The following SPATA17 variants were observed in gnomAD, a reference collection of about 807,000 sequenced individuals.
The protein encoded by SPATA17 is spermatogenesis-associated protein 17.
Under a neutral mutation model 62.2 loss-of-function variants are expected in SPATA17, and 53 were observed. That is an observed-to-expected ratio of 0.85 (90% confidence interval 0.68 to 1.07). The LOEUF (loss-of-function observed/expected upper bound fraction) is 1.07. Among genes scored for constraint, SPATA17 ranks in the 50% least tolerant of loss-of-function variants. The probability of loss-of-function intolerance (pLI) is 0.00; values close to 1 mark genes in which losing one functional copy is unlikely to be tolerated. For missense variants in SPATA17, 466 were observed against 425.5 expected, an observed-to-expected ratio of 1.10 and a Z score of -0.84; for synonymous variants, 146 against 146.8, an observed-to-expected ratio of 0.99 and a Z score of 0.04.
intron 3 of SPATA17, among the ~76,000 whole-genome samples, chr1:217,668,237 T>C (rs747567963): frequency 3.9e-5 from 6 of 152,198 alleles, no homozygotes; most frequent in Non-Finnish European, 8.8e-5. Flanking sequence ...ATGAATTATA[T>C]TAATTTTATA....
In SPATA17 at chr1:217,868,410, G is replaced by C. The variant is rs1676061701; in HGVS notation, c.*1391G>C. The stretch of plus-strand genomic sequence containing the variant: ...ATATCCTAAGTTGAAAATATTGTAA[G>C]TTAAAAATGCATTTAATACAGCTAA... On this transcript the variant is annotated 3_prime_UTR_variant, in exon 11 of 11. Coordinates refer to ENST00000366933, the MANE Select transcript of SPATA17 (RefSeq NM_138796.4). 6.6e-6 allele frequency: 1 copy of C among 152,094 alleles called. No individual in the cohort carries two copies. Among genetic ancestry groups the C allele is most frequent in the Non-Finnish European group, 1.5e-5 (1 of 68,012 alleles). 9.4% of individuals were successfully genotyped at this position (152,094 alleles called of 1,614,324 possible).
In SPATA17 at chr1:217,761,914, G is replaced by T. The variant is rs184757225; in HGVS notation, c.520-12420G>T. On this transcript the variant is annotated intron_variant, in intron 6 of 10. Transcript: ENST00000366933. ...AATTACAGTATAATATCAGCCACAAGAACACAATCTGCTGCTGCAGAGGTC... is the reference window on the plus strand; with the variant it reads ...AATTACAGTATAATATCAGCCACAATAACACAATCTGCTGCTGCAGAGGTC... Among the ~76,000 whole-genome samples, 280 of 152,212 alleles carry T rather than the reference G, an allele frequency of 1.8e-3. 1 individual carries two copies. Among genetic ancestry groups the T allele is most frequent in the African/African-American group, 6.3e-3 (262 of 41,556 alleles).
chr1:217,747,395 T>A (rs924383378), intron 6 of SPATA17, among the ~76,000 whole-genome samples: 1 of 152,150 alleles, frequency 6.6e-6, no homozygotes, highest in East Asian at 1.9e-4. Flanking sequence ...AAAGGCCTAT[T>A]GTTGGATTTA....
chr1:217,633,949 T>C (rs1189908532), intron 1 of SPATA17, among the ~76,000 whole-genome samples: 1 of 152,184 alleles, frequency 6.6e-6, no homozygotes, highest in African/African-American at 2.4e-5. Flanking sequence ...AGGAAGGATC[T>C]GGAACTCCAA....
chr1:217,765,394 G>T (rs1031767684), intron 6 of SPATA17, among the ~76,000 whole-genome samples: 2 of 151,312 alleles, frequency 1.3e-5, no homozygotes, highest in Non-Finnish European at 3.0e-5. Context: ...TCTAATATAT[G>T]CATTCAATGC....
chr1:217,650,568 C>T (rs1007950394), intron 2 of SPATA17, among the ~76,000 whole-genome samples: 4 of 152,086 alleles, frequency 2.6e-5, no homozygotes, highest in South Asian at 2.1e-4. Context: ...AGGCGCGCAC[C>T]GCCACCACAC....
chr1:217,632,705 T>C (rs570779339), intron 1 of SPATA17, among the ~76,000 whole-genome samples: 1 of 152,352 alleles, frequency 6.6e-6, no homozygotes, highest in Admixed American at 6.5e-5. Flanking sequence ...ACAATAATTG[T>C]TGAAGACTCA....
intron 5 of SPATA17, among the ~76,000 whole-genome samples, chr1:217,738,528 C>T (rs1250575596): frequency 6.6e-6 from 1 of 152,214 alleles, no homozygotes; most frequent in African/African-American, 2.4e-5. Flanking sequence ...ATCTCATCCT[C>T]ACAATAGTTT....
intron 9 of SPATA17, among the ~76,000 whole-genome samples, chr1:217,859,838 T>C (rs1675862043): frequency 6.6e-6 from 1 of 152,206 alleles, no homozygotes; most frequent in African/African-American, 2.4e-5. Context: ...CTGTTGATGA[T>C]TTCAAGAGCA....
At position 217,750,881 on chromosome 1, in the gene SPATA17, CA is replaced by C. The variant is rs749915470; in HGVS notation, c.519+8785del. 3.9e-4 allele frequency among the ~76,000 whole-genome samples: 59 copies of C among 152,302 alleles called. 1 individual carries two copies. Among genetic ancestry groups the C allele is most frequent in the East Asian group, 5.8e-4 (3 of 5,172 alleles). ...ATAAAGCAACCTGCGCAAGGTCACA[CA>C]ACTAGTTTGAATACATTCTGTAAAG... On this transcript the variant is annotated intron_variant, in intron 6 of 10. Transcript: ENST00000366933.
chr1:217,833,407 T>C (rs1675191376), intron 9 of SPATA17, among the ~76,000 whole-genome samples: 1 of 152,174 alleles, frequency 6.6e-6, no homozygotes, highest in Admixed American at 6.6e-5. Flanking sequence ...TAAGGAGGGA[T>C]AGCGTTAATA....
At chr1:217,710,972 T>G (rs1671848173) in intron 5 of SPATA17, among the ~76,000 whole-genome samples, 1 of 152,216 alleles carries the variant, frequency 6.6e-6, no homozygotes, top group Non-Finnish European at 1.5e-5. Flanking sequence ...TCATCCATGT[T>G]GTAGTATATG....
chr1:217,733,863 A>C (rs1456736834), intron 5 of SPATA17, among the ~76,000 whole-genome samples: 2 of 152,222 alleles, frequency 1.3e-5, no homozygotes, highest in Non-Finnish European at 2.9e-5. Flanking sequence ...CTCAGGCGCA[A>C]CCTGAGTGCT....
intron 8 of SPATA17, 99 bp downstream of exon 8, chr1:217,782,421 G>C (rs1673752767): frequency 7.5e-7 from 1 of 1,336,186 alleles, no homozygotes; most frequent in Non-Finnish European, 9.8e-7. Context: ...TTTTATTTGT[G>C]AGAAAAGGTA....
At chr1:217,762,201 A>C (rs2102963819) in intron 6 of SPATA17, among the ~76,000 whole-genome samples, 1 of 152,026 alleles carries the variant, frequency 6.6e-6, no homozygotes, top group East Asian at 1.9e-4. Flanking sequence ...AACCCCATCC[A>C]CTTTTCACAC....
At chr1:217,700,433 T>A (rs1452012138) in intron 5 of SPATA17, among the ~76,000 whole-genome samples, 3 of 152,200 alleles carry the variant, frequency 2.0e-5, no homozygotes, top group Non-Finnish European at 4.4e-5. Context: ...TATTTTTAGT[T>A]CTGATAGATA....
chr1:217,758,308 T>C (rs1216192464), intron 6 of SPATA17, among the ~76,000 whole-genome samples: 1 of 152,164 alleles, frequency 6.6e-6, no homozygotes, highest in Non-Finnish European at 1.5e-5. Flanking sequence ...ACATGTACAA[T>C]GACTACATGA....
chr1:217,855,583 T>C (rs775243055), intron 9 of SPATA17, among the ~76,000 whole-genome samples: 8 of 152,168 alleles, frequency 5.3e-5, no homozygotes, highest in Non-Finnish European at 1.0e-4. Flanking sequence ...CTAATACATA[T>C]GCCACTGAAT....
At chr1:217,635,295 C>G (rs1038440102) in intron 1 of SPATA17, among the ~76,000 whole-genome samples, 9 of 152,292 alleles carry the variant, frequency 5.9e-5, no homozygotes, top group African/African-American at 2.2e-4. Flanking sequence ...CCAAGGCAGT[C>G]CAGGTACAGC....
Sources: allele counts gnomAD v4.1 joint callset (sites outside exome capture counted in the v4.1 genomes callset), GRCh38; gene constraint gnomAD v4.1.1; transcripts MANE v1.5; gene names NCBI Gene and HGNC (gene_info 2026-07-23, HGNC 2026-07-21).